The following RARB variants were observed in gnomAD, a reference collection of about 807,000 sequenced individuals.
RARB encodes HBV-activated protein.
Under a neutral mutation model 51.9 loss-of-function variants are expected in RARB, and 17 were observed. The observed-to-expected ratio is 0.33, with a 90% CI of 0.22 to 0.49. The LOEUF (loss-of-function observed/expected upper bound fraction) is 0.49. Ranked by LOEUF, RARB falls within the 20% of genes least tolerant of loss-of-function variation. RARB has a pLI of 0.99. For missense variants in RARB, 369 were observed against 550.8 expected (o/e 0.67, Z 3.30); for synonymous variants, 215 against 195.4 (o/e 1.10, Z -0.84).
At chr3:25,173,707 T>C (rs1435769193) in intron 4 of RARB, among the ~76,000 whole-genome samples, 1 of 152,242 alleles carries the variant, frequency 6.6e-6, no homozygotes, top group Non-Finnish European at 1.5e-5. Context: ...GTCTATCCCT[T>C]GTCAGGTACT....
At chr3:24,901,287 C>T (rs1254076980) in intron 2 of RARB, among the ~76,000 whole-genome samples, 1 of 152,086 alleles carries the variant, frequency 6.6e-6, no homozygotes, top group Non-Finnish European at 1.5e-5. Context: ...TACGGGTGGA[C>T]ATAAAGCAAT....
intron 1 of RARB, among the ~76,000 whole-genome samples, chr3:24,851,490 T>C (rs1443617815): frequency 6.6e-6 from 1 of 151,588 alleles, no homozygotes; most frequent in East Asian, 1.9e-4. Flanking sequence ...TTTCAGCTGA[T>C]GCGGTTCCGT....
intron 2 of RARB, among the ~76,000 whole-genome samples, chr3:25,019,559 A>T (rs1457231217): frequency 2.0e-5 from 3 of 152,118 alleles, no homozygotes; most frequent in Non-Finnish European, 4.4e-5. Context: ...CTTAATTTGC[A>T]TTAATACATG....
intron 5 of RARB, among the ~76,000 whole-genome samples, chr3:25,412,950 C>T (rs1011557178): frequency 2.0e-5 from 3 of 151,126 alleles, no homozygotes; most frequent in African/African-American, 7.3e-5. Flanking sequence ...ACCCGGGAGG[C>T]GGAGGTTGTG....
At chr3:25,310,713 C>A (rs1704267923) in intron 5 of RARB, among the ~76,000 whole-genome samples, 1 of 152,102 alleles carries the variant, frequency 6.6e-6, no homozygotes, top group African/African-American at 2.4e-5. Context: ...TTTTCTTTAC[C>A]CCTCTCTGTT....
intron 2 of RARB, among the ~76,000 whole-genome samples, chr3:25,008,835 C>T (rs1465281973): frequency 6.6e-6 from 1 of 152,094 alleles, no homozygotes; most frequent in Non-Finnish European, 1.5e-5. Context: ...CAGCCAATGG[C>T]AAATATTTTG....
chr3:24,937,643 G>C (rs184186133), intron 2 of RARB, among the ~76,000 whole-genome samples: 137 of 152,208 alleles, frequency 9.0e-4, no homozygotes, highest in Non-Finnish European at 1.8e-4. Context: ...GCTTAACAAA[G>C]GAAACTTCAG....
intron 2 of RARB, among the ~76,000 whole-genome samples, chr3:25,003,614 C>T (rs1474869780): frequency 6.6e-6 from 1 of 152,032 alleles, no homozygotes; most frequent in Non-Finnish European, 1.5e-5. Flanking sequence ...GTTAGACACT[C>T]ATGAAAGCAG....
At chr3:25,346,873 A>G (rs1304410175) in intron 5 of RARB, among the ~76,000 whole-genome samples, 1 of 152,204 alleles carries the variant, frequency 6.6e-6, no homozygotes, top group African/African-American at 2.4e-5. Flanking sequence ...CAGGCCCCCA[A>G]AAGGAGGCTC....
chr3:25,486,839 C>G (rs1451408982), intron 2 of RARB, among the ~76,000 whole-genome samples: 4 of 152,094 alleles, frequency 2.6e-5, no homozygotes, highest in African/African-American at 9.7e-5. Flanking sequence ...ATCCTTGTAT[C>G]CCTCTGTATA....
intron 5 of RARB, among the ~76,000 whole-genome samples, chr3:25,192,120 G>A (rs1701118495): frequency 6.6e-6 from 1 of 152,096 alleles, no homozygotes; most frequent in African/African-American, 2.4e-5. Flanking sequence ...GGACATGAAG[G>A]TAGTGTCTTT....
At chr3:25,344,209 T>C (rs557027014) in intron 5 of RARB, among the ~76,000 whole-genome samples, 1 of 152,304 alleles carries the variant, frequency 6.6e-6, no homozygotes, top group South Asian at 2.1e-4. Flanking sequence ...ACAAGCTAAG[T>C]TGCTGGAGAA....
intron 4 of RARB, among the ~76,000 whole-genome samples, chr3:25,146,498 T>TG (rs1559482579): frequency 2.4e-5 from 3 of 125,124 alleles, no homozygotes; most frequent in African/African-American, 8.9e-5. Context: ...CTAAGTTTTT[T>TG]GTTTGTTTGT....
chr3:24,985,235 C>T (rs1413075196), intron 2 of RARB, among the ~76,000 whole-genome samples: 2 of 152,068 alleles, frequency 1.3e-5, no homozygotes, highest in African/African-American at 4.8e-5. Context: ...TCTTCCTCAC[C>T]ATGAAATGGA....
intron 1 of RARB, among the ~76,000 whole-genome samples, chr3:25,442,710 C>T (rs952052682): frequency 6.6e-6 from 1 of 152,084 alleles, no homozygotes; most frequent in African/African-American, 2.4e-5. Flanking sequence ...ACTCCTTTTC[C>T]TTCTGGGTGG....
intron 5 of RARB, among the ~76,000 whole-genome samples, chr3:25,394,536 C>T: frequency 6.6e-6 from 1 of 152,038 alleles, no homozygotes; most frequent in East Asian, 1.9e-4. Flanking sequence ...CCATCTATCT[C>T]ATTTCTTGGG....
intron 5 of RARB, among the ~76,000 whole-genome samples, chr3:25,591,593 C>T (rs1490700658): frequency 6.6e-6 from 1 of 152,122 alleles, no homozygotes; most frequent in African/African-American, 2.4e-5. Context: ...TTTGTTTCCC[C>T]AGCTAATAGT....
At chr3:25,542,142 G>T (rs1403230847) in intron 3 of RARB, among the ~76,000 whole-genome samples, 3 of 152,214 alleles carry the variant, frequency 2.0e-5, no homozygotes, top group African/African-American at 4.8e-5. Context: ...AGCTAATGCT[G>T]ATCAATTGTA....
chr3:25,048,146 C>A (rs766958819), intron 2 of RARB, among the ~76,000 whole-genome samples: 1 of 152,192 alleles, frequency 6.6e-6, no homozygotes, highest in South Asian at 2.1e-4. Flanking sequence ...ATTACCCATT[C>A]TCAGGTATGT....
Sources: allele counts gnomAD v4.1 joint callset (sites outside exome capture counted in the v4.1 genomes callset), GRCh38; gene constraint gnomAD v4.1.1; transcripts MANE v1.5; gene names NCBI Gene and HGNC (gene_info 2026-07-23, HGNC 2026-07-21).